IDUA: variants seen among roughly 807,000 people sequenced by gnomAD.
The protein encoded by IDUA is alpha-L-iduronidase.
IDUA carries 65 observed loss-of-function variants against 68.9 expected under a neutral mutation model. The observed-to-expected ratio is 0.94, with a 90% confidence interval of 0.77 to 1.16. The LOEUF (loss-of-function observed/expected upper bound fraction) is 1.16, where lower values mean the gene tolerates loss of function less well. Ranked by LOEUF, IDUA falls within the 50% of genes most tolerant of loss-of-function variation. IDUA has a pLI of 0.00. For synonymous variants in IDUA, 529 were observed against 433.6 expected, an observed-to-expected ratio of 1.22 and a Z score of -2.73; for missense variants, 1,046 against 938.0, an observed-to-expected ratio of 1.12 and a Z score of -1.50.
At chr4:990,413 C>T in intron 2 of IDUA, 1 of 1,502,894 alleles carries the variant, frequency 6.7e-7, no homozygotes. Flanking sequence ...GAGCCACCTG[C>T]CCCTCACCAG....
intron 2 of IDUA, chr4:989,030 A>G: frequency 6.3e-7 from 1 of 1,582,812 alleles, no homozygotes; most frequent in Non-Finnish European, 8.6e-7. Flanking sequence ...AGGGCCCCGT[A>G]GTCTCGGCGC....
At chr4:1,000,044 C>G (rs1714980372) in intron 2 of IDUA, 1 of 148,862 alleles carries the variant, frequency 6.7e-6, no homozygotes, top group Non-Finnish European at 1.4e-5. Flanking sequence ...ATGCAGGCCT[C>G]GTGGGAATTC....
intron 2 of IDUA, among the ~76,000 whole-genome samples, chr4:996,309 G>A (rs1461778770): frequency 6.6e-6 from 1 of 152,232 alleles, no homozygotes; most frequent in Non-Finnish European, 1.5e-5. Context: ...CAGGGTTGTT[G>A]GAGAACTGGG....
At chr4:989,199 C>G (rs370978800) in intron 2 of IDUA, 32 of 1,607,656 alleles carry the variant, frequency 2.0e-5, no homozygotes, top group African/African-American at 4.0e-5. Context: ...CACCGACCCC[C>G]GTCTCTGAGC....
chr4:1,000,105 C>T (rs534751994), intron 2 of IDUA: 66 of 187,926 alleles, frequency 3.5e-4, no homozygotes, highest in African/African-American at 1.5e-3. Flanking sequence ...CCCTTGACGA[C>T]GCCTGTCCCC....
chr4:1,003,919 A>C, intron 12 of IDUA, 93 bp from the exon 13 acceptor site: 1 of 1,049,068 alleles, frequency 9.5e-7, no homozygotes, highest in Non-Finnish European at 1.5e-6. Context: ...GCTTGAGGGA[A>C]TGAGGCTGTG....
rs1249207654 is a variant in IDUA, at chr4:1,003,957, C to T, written c.1728-55C>T. ...TCCACGCGGCCGTGCCCTGCCTGCTCCCACCTTTGAGGACTGTCTTGACCC... is the reference window on the plus strand; with the variant it reads ...TCCACGCGGCCGTGCCCTGCCTGCTTCCACCTTTGAGGACTGTCTTGACCC... On this transcript the variant is annotated intron_variant, in intron 12 of 13. Transcript: ENST00000514224. The T allele has an allele frequency of 1.2e-5, 17 of 1,441,512 alleles. No homozygotes were observed. The East Asian group carries it at 3.2e-4, about 27-fold the overall frequency. 89.3% of individuals were successfully genotyped at this position (1,441,512 alleles called of 1,614,324 possible).
At chr4:999,488 G>A (rs955711928) in intron 2 of IDUA, among the ~76,000 whole-genome samples, 1 of 152,234 alleles carries the variant, frequency 6.6e-6, no homozygotes, top group African/African-American at 2.4e-5. Context: ...CCCGTTGCAT[G>A]GTAGCCTTAG....
rs1232991942 is a variant in IDUA at position 1,002,744 on chromosome 4, T to A, written c.1202T>A (p.Leu401His). The A allele has an allele frequency of 6.8e-7, 1 of 1,472,124 alleles. No homozygotes were observed. The highest frequency in any genetic ancestry group is 1.3e-5 in the South Asian group (1 of 77,800). The allele number at this position is 1,472,124 out of a possible 1,614,324, so 91.2% of individuals were successfully genotyped here. The part of the protein sequence containing the change: ...GLLALLDEEQ[L>H]WAEVSQAGTV... ...CCCCGCCCCGCAGATGAGGAGCAGC[T>A]CTGGGCCGAAGTGTCGCAGGCCGGG... The change falls in exon 9 of 14, where the codon CTC becomes CAC. Residue 401 changes from leucine (L) to histidine (H), a missense_variant. By Grantham distance (99) the Leu-to-His change is moderately conservative. Coordinates refer to ENST00000514224, the MANE Select transcript of IDUA (RefSeq NM_000203.5).
chr4:988,451 C>A (rs921564314), intron 2 of IDUA: 3 of 1,089,680 alleles, frequency 2.8e-6, no homozygotes, highest in Non-Finnish European at 3.3e-6. Context: ...GGGCACCGGG[C>A]AGGCCTGGGC....
At chr4:994,714 G>A (rs1374649958) in intron 2 of IDUA, among the ~76,000 whole-genome samples, 2 of 152,050 alleles carry the variant, frequency 1.3e-5, no homozygotes, top group African/African-American at 4.8e-5. Context: ...TGGGATTACA[G>A]GCTTGAGCCA....
Position 990,165 on chromosome 4 carries a change from C to G in IDUA, c.299+2216C>G, listed in dbSNP as rs745511682. On this transcript the variant is annotated intron_variant, in intron 2 of 13. Coordinates refer to ENST00000514224, the MANE Select transcript of IDUA (RefSeq NM_000203.5). ...TGGTGACCACGTCGCACACGTTGGCCTGCCCGGCGCCGCGCAGCAGGCTCA... is the reference window on the plus strand; with the variant it reads ...TGGTGACCACGTCGCACACGTTGGCGTGCCCGGCGCCGCGCAGCAGGCTCA... The G allele has an allele frequency of 1.1e-5, 17 of 1,561,642 alleles. No individual in the cohort carries two copies. The highest frequency in any genetic ancestry group is 7.1e-5 in the East Asian group (3 of 42,006).
At chr4:998,783 A>ACC (rs148444493) in intron 2 of IDUA, among the ~76,000 whole-genome samples, 4 of 120,754 alleles carry the variant, frequency 3.3e-5, no homozygotes, top group East Asian at 5.0e-4. Flanking sequence ...CGACCCCCCG[A>ACC]CCCCCCACCT....
chr4:998,772 A>T, intron 2 of IDUA, among the ~76,000 whole-genome samples: 1 of 142,594 alleles, frequency 7.0e-6, no homozygotes, highest in South Asian at 2.4e-4. Context: ...GTTGCCCTGT[A>T]CGACCCCCCG....
chr4:1,004,271 G>A lies in IDUA; in HGVS notation c.1840G>A (p.Val614Ile), dbSNP rs1021807484. 1.9e-6 allele frequency: 3 copies of A among 1,610,262 alleles called. No individual in the cohort carries two copies. Among genetic ancestry groups the A allele is most frequent in the Non-Finnish European group, 2.5e-6 (3 of 1,179,972 alleles). The change falls in exon 14 of 14, where the codon GTC becomes ATC. Residue 614 changes from valine (V) to isoleucine (I), a missense_variant. By Grantham distance (29) the Val-to-Ile change is conservative (BLOSUM62 3). Coordinates refer to ENST00000514224, the MANE Select transcript of IDUA (RefSeq NM_000203.5). The surrounding 1 kb of genome is among the most constrained non-coding windows in gnomAD (Gnocchi z 5.0). Reference sequence around the variant, plus strand: ...CCCCTTGTCTCCAGACACAGGTGCTGTCTCTGGCTCCTACCGAGTTCGAGC... The same window carrying A: ...CCCCTTGTCTCCAGACACAGGTGCTATCTCTGGCTCCTACCGAGTTCGAGC... Reference protein sequence around the residue: ...LFVFSPDTGAVSGSYRVRALD... With the variant: ...LFVFSPDTGAISGSYRVRALD...
At chr4:989,193 G>C in intron 2 of IDUA, 1 of 1,607,112 alleles carries the variant, frequency 6.2e-7, no homozygotes, top group East Asian at 2.2e-5. Context: ...CTCCCTCACC[G>C]ACCCCCGTCT....
chr4:988,895 C>A, intron 2 of IDUA: 1 of 1,604,168 alleles, frequency 6.2e-7, no homozygotes, highest in Non-Finnish European at 8.5e-7. Context: ...TGCACGGCAT[C>A]GTGCACACTG....
At position 987,249 on chromosome 4, in the gene IDUA, G is replaced by T. The variant is rs1488477352; in HGVS notation, c.158+7G>T. On this transcript the variant is annotated splice_region_variant and intron_variant, in intron 1 of 13. Transcript: ENST00000514224. ...GGAGGAGCACAGGCTTCTGGTGAGC[G>T]CTCCGCGGCCTCCGGGACCCCCTGG... 1 of 1,513,384 alleles carries T rather than the reference G, an allele frequency of 6.6e-7. No homozygotes were observed. Among genetic ancestry groups the T allele is most frequent in the East Asian group, 2.6e-5 (1 of 38,042 alleles). 93.7% of individuals were successfully genotyped at this position (1,513,384 alleles called of 1,614,324 possible).
At chr4:1,001,599 AG>A in intron 5 of IDUA, 36 bp downstream of exon 5, 1 of 1,609,170 alleles carries the variant, frequency 6.2e-7, no homozygotes, top group South Asian at 1.1e-5. Flanking sequence ...CCCGGCTGAA[AG>A]GGGGCAGAGG....
Sources: allele counts gnomAD v4.1 joint callset (sites outside exome capture counted in the v4.1 genomes callset), GRCh38; gene constraint gnomAD v4.1.1; non-coding constraint Gnocchi (gnomAD v3.1); transcripts MANE v1.5; gene names NCBI Gene and HGNC (gene_info 2026-07-23, HGNC 2026-07-21).